The following BPIFC variants were observed in gnomAD, a reference collection of about 807,000 sequenced individuals.
BPIFC encodes the protein BPI fold-containing family C protein.
BPIFC carries 60 observed loss-of-function variants against 57.6 expected under a neutral mutation model. The observed-to-expected ratio is 1.04, with a 90% CI of 0.85 to 1.29. BPIFC has a LOEUF of 1.29. Among genes scored for constraint, BPIFC ranks in the 50% most tolerant of loss-of-function variants. The probability of loss-of-function intolerance (pLI) is 0.00; values close to 1 mark genes in which losing one functional copy is unlikely to be tolerated. For missense variants in BPIFC, 581 were observed against 600.5 expected, an observed-to-expected ratio of 0.97 and a Z score of 0.34; for synonymous variants, 243 against 224.5, an observed-to-expected ratio of 1.08 and a Z score of -0.74.
chr22:32,453,493 A>G lies in BPIFC; in HGVS notation c.135T>C (p.Ala45=). 6 of 1,596,860 alleles carry G rather than the reference A, an allele frequency of 3.8e-6. No individual in the cohort carries two copies. Among genetic ancestry groups the G allele is most frequent in the Non-Finnish European group, 5.1e-6 (6 of 1,174,626 alleles). The part of the protein sequence containing the change: ...TQRALDYGVQ[A]GMKMIEQMLK... ...GCATTTGCTCAATCATCTTCATTCC[A>G]GCTTGAACACCTGTGAAGGAAACAA... Residue 45 remains alanine, a synonymous_variant, in exon 4 of 17, where the codon GCT becomes GCC. Transcript: ENST00000300399.
chr22:32,453,784 G>A (rs1444864485), intron 3 of BPIFC, among the ~76,000 whole-genome samples: 1 of 152,132 alleles, frequency 6.6e-6, no homozygotes, highest in African/African-American at 2.4e-5. Context: ...GAGAAGAAAA[G>A]TATAACATTT....
chr22:32,455,050 C>CTTTTTTTTTTTTTTTTTTTTTTTTTTT (rs1392514246), intron 3 of BPIFC, among the ~76,000 whole-genome samples: 1 of 134,148 alleles, frequency 7.5e-6, no homozygotes. Flanking sequence ...TTTTCATCTC[C>CTTTTTTTTTTTTTTTTTTTTTTTTTTT]ATTTTTTTTT....
chr22:32,443,178 T>C (rs2145946129), intron 7 of BPIFC, among the ~76,000 whole-genome samples: 1 of 151,638 alleles, frequency 6.6e-6, no homozygotes, highest in Admixed American at 6.6e-5. Flanking sequence ...TTTTTTTTTT[T>C]TTTGAGACGA....
At chr22:32,432,577 G>C in intron 11 of BPIFC, 34 bp from the exon 12 acceptor site, 1 of 1,605,740 alleles carries the variant, frequency 6.2e-7, no homozygotes. Flanking sequence ...TAAAGATTGT[G>C]AGGCGTGAGT....
At position 32,414,607 on chromosome 22, in the gene BPIFC, G is replaced by A. The variant is rs560333577; in HGVS notation, c.1402-182C>T. Reference sequence around the variant, plus strand: ...TGGCTCACTGCAAGCTCCGTCCCTCGGTTTCAAGTGATTCTCGTGCCTCAG... The same window carrying A: ...TGGCTCACTGCAAGCTCCGTCCCTCAGTTTCAAGTGATTCTCGTGCCTCAG... On this transcript the variant is annotated intron_variant, in intron 16 of 16. Transcript: ENST00000300399. Among the ~76,000 whole-genome samples, 184 of 152,132 alleles carry A rather than the reference G, an allele frequency of 1.2e-3. 1 individual carries two copies. Among genetic ancestry groups the A allele is most frequent in the African/African-American group, 4.4e-3 (183 of 41,488 alleles).
At chr22:32,442,336 G>A (rs552497596) in intron 8 of BPIFC, among the ~76,000 whole-genome samples, 3 of 152,200 alleles carry the variant, frequency 2.0e-5, no homozygotes, top group African/African-American at 7.2e-5. Flanking sequence ...GAGAACCCCA[G>A]AATAACCTGG....
rs1368726900 is a variant in BPIFC, at chr22:32,423,056, C to T, written c.1218-3652G>A. On this transcript the variant is annotated intron_variant, in intron 13 of 16. Coordinates refer to ENST00000300399, the MANE Select transcript of BPIFC (RefSeq NM_174932.3). Reference sequence around the variant, plus strand: ...GGGGAGTGTTTGTTGGAATTGGGGTCACTTTGAAGGTGAGCCAGTCTAAAG... The same window carrying T: ...GGGGAGTGTTTGTTGGAATTGGGGTTACTTTGAAGGTGAGCCAGTCTAAAG... Among the ~76,000 whole-genome samples the T allele has an allele frequency of 5.9e-5, 9 of 152,152 alleles. No individual in the cohort carries two copies. The South Asian group carries it at 8.3e-4, about 14-fold the overall frequency.
intron 13 of BPIFC, among the ~76,000 whole-genome samples, chr22:32,419,733 G>C (rs765354863): frequency 3.5e-4 from 52 of 150,522 alleles, no homozygotes; most frequent in South Asian, 1.0e-3. Context: ...TTGAACCTGG[G>C]AGGTGGAGGC....
chr22:32,432,569 A>AAG, intron 11 of BPIFC, 26 bp from the exon 12 acceptor site: 5 of 1,610,066 alleles, frequency 3.1e-6, no homozygotes, highest in Middle Eastern at 1.7e-4. Context: ...GAAAGAAATA[A>AAG]AGATTGTGAG....
intron 15 of BPIFC, among the ~76,000 whole-genome samples, chr22:32,416,786 G>A (rs768777210): frequency 1.3e-5 from 2 of 152,200 alleles, no homozygotes; most frequent in Non-Finnish European, 2.9e-5. Flanking sequence ...TGACTGGAAG[G>A]AGATTCTTTA....
At position 32,414,053 on chromosome 22, in the gene BPIFC, CCAAA is replaced by C. The variant is rs958361704; in HGVS notation, c.*246_*249del. The stretch of plus-strand genomic sequence containing the variant: ...CTCTTGTCCTAGAATCTTTCTTGCC[CCAAA>C]CAAACAAACAAACATAAACACAGAC... On this transcript the variant is annotated 3_prime_UTR_variant, in exon 17 of 17. Coordinates refer to ENST00000300399, the MANE Select transcript of BPIFC (RefSeq NM_174932.3). 190 of 289,718 alleles carry C rather than the reference CCAAA, an allele frequency of 6.6e-4. No individual in the cohort carries two copies. Among genetic ancestry groups the C allele is most frequent in the South Asian group, 1.3e-3 (20 of 15,904 alleles). 17.9% of individuals were successfully genotyped at this position (289,718 alleles called of 1,614,324 possible). A position where few individuals can be genotyped will look rare whatever the true frequency, so the allele number is the denominator to read the frequency against.
intron 8 of BPIFC, 55 bp downstream of exon 8, chr22:32,442,616 C>A: frequency 6.5e-7 from 1 of 1,549,854 alleles, no homozygotes; most frequent in South Asian, 1.1e-5. Flanking sequence ...CCAGGCAGTA[C>A]CAGCTTTTGA....
chr22:32,419,378 T>C lies in BPIFC; in HGVS notation c.1244A>G (p.Asn415Ser), dbSNP rs1933770338. Residue 415 changes from asparagine to serine, a missense_variant, in exon 14 of 17, where the codon AAT becomes AGT. Coordinates refer to ENST00000300399, the MANE Select transcript of BPIFC (RefSeq NM_174932.3). Reference protein sequence around the residue: ...NRFRLALPESNRSNIEVLRFE... With the variant: ...NRFRLALPESSRSNIEVLRFE... ...GATTCCTACCTCAATGTTGCTGCGA[T>C]TGGACTCTGGCAAAGCAAGGCGGAA... is the stretch of plus-strand genomic sequence containing the variant. The C allele has an allele frequency of 4.3e-6, 7 of 1,613,936 alleles. No individual in the cohort carries two copies. The highest frequency in any genetic ancestry group is 3.3e-5 in the South Asian group (3 of 91,054).
intron 13 of BPIFC, among the ~76,000 whole-genome samples, chr22:32,425,606 T>C (rs913493594): frequency 1.3e-5 from 2 of 152,138 alleles, no homozygotes; most frequent in African/African-American, 4.8e-5. Context: ...ATAGTCTTTT[T>C]TTGGTACAGT....
intron 5 of BPIFC, 70 bp from the exon 6 acceptor site, chr22:32,446,066 C>T (rs1158215477): frequency 1.9e-6 from 3 of 1,543,354 alleles, no homozygotes; most frequent in Non-Finnish European, 2.6e-6. Context: ...TCTCTGATTA[C>T]CCAGAGACTC....
intron 13 of BPIFC, among the ~76,000 whole-genome samples, chr22:32,419,635 C>A (rs1282681116): frequency 6.6e-6 from 1 of 151,812 alleles, no homozygotes; most frequent in African/African-American, 2.4e-5. Context: ...GAAACCCTGA[C>A]TCTACTAAAA....
At chr22:32,424,040 GA>G (rs1294591049) in intron 13 of BPIFC, among the ~76,000 whole-genome samples, 4 of 151,662 alleles carry the variant, frequency 2.6e-5, no homozygotes, top group Admixed American at 2.6e-4. Context: ...TGGGGAAAAA[GA>G]ATGAAATACT....
chr22:32,460,648 C>T (rs1378584595), intron 2 of BPIFC, among the ~76,000 whole-genome samples: 1 of 152,230 alleles, frequency 6.6e-6, no homozygotes, highest in Non-Finnish European at 1.5e-5. Context: ...TCTGCCTATG[C>T]CTGCAGAAAC....
intron 1 of BPIFC, among the ~76,000 whole-genome samples, chr22:32,462,071 G>T (rs187671309): frequency 4.4e-4 from 65 of 149,308 alleles, no homozygotes; most frequent in African/African-American, 1.6e-3. Flanking sequence ...GTGGGAGGCT[G>T]AGGCAGGAGA....
Sources: allele counts gnomAD v4.1 joint callset (sites outside exome capture counted in the v4.1 genomes callset), GRCh38; gene constraint gnomAD v4.1.1; transcripts MANE v1.5; gene names NCBI Gene and HGNC (gene_info 2026-07-23, HGNC 2026-07-21).